OTOF: variants seen among roughly 807,000 people sequenced by gnomAD.
OTOF encodes the protein otoferlin, also known as fer-1-like family member 2.
A neutral mutation model predicts 236.8 loss-of-function variants in OTOF; 218 were observed. That is an observed-to-expected ratio of 0.92 (90% confidence interval 0.82 to 1.03). The LOEUF (loss-of-function observed/expected upper bound fraction) is 1.03, where lower values mean the gene tolerates loss of function less well. Among genes scored for constraint, OTOF ranks in the 50% least tolerant of loss-of-function variants. The pLI is 0.00. For missense variants in OTOF, 2,590 were observed against 2,694.4 expected, an observed-to-expected ratio of 0.96 and a Z score of 0.86; for synonymous variants, 1,041 against 1,072.5, an observed-to-expected ratio of 0.97 and a Z score of 0.57.
intron 41 of OTOF, among the ~76,000 whole-genome samples, 172 bp downstream of exon 41, chr2:26,463,311 G>A (rs978703617): frequency 2.6e-5 from 4 of 152,192 alleles, no homozygotes; most frequent in African/African-American, 9.7e-5. Flanking sequence ...AAACTCTATC[G>A]ATTGGTTGGT....
chr2:26,480,331 A>G lies in OTOF; in HGVS notation c.1804-20T>C, dbSNP rs559791845. The G allele has an allele frequency of 7.0e-7, 1 of 1,437,224 alleles. No homozygotes were observed. Among genetic ancestry groups the G allele is most frequent in the Non-Finnish European group, 9.8e-7 (1 of 1,024,082 alleles). 89.0% of individuals were successfully genotyped at this position (1,437,224 alleles called of 1,614,324 possible). A position where few individuals can be genotyped will look rare whatever the true frequency, so the allele number is the denominator to read the frequency against. Reference sequence around the variant, plus strand: ...ACAGCTCTGTGGGGAGGCAGTTCAAAGCGTTCCTGAGCTTGAGTAAGGGTG... The same window carrying G: ...ACAGCTCTGTGGGGAGGCAGTTCAAGGCGTTCCTGAGCTTGAGTAAGGGTG... On this transcript the variant is annotated intron_variant, in intron 15 of 46. Transcript: ENST00000272371.
intron 5 of OTOF, among the ~76,000 whole-genome samples, chr2:26,510,370 C>T (rs58826374): frequency 0.23 from 35,055 of 151,810 alleles, 4,288 homozygotes; most frequent in African/African-American, 0.3. Flanking sequence ...TTTAGCTGTC[C>T]CCTCCCTCCC....
In OTOF at chr2:26,474,166, T is replaced by G. The variant is rs185681138; in HGVS notation, c.3289-56A>C. ...GGGGAGCCCAGGGACAGGGTCTCTT[T>G]CCCCATGAGTTGTTTGCCATGATCT... On this transcript the variant is annotated intron_variant, in intron 26 of 46. Transcript: ENST00000272371. The G allele has an allele frequency of 5.8e-5, 93 of 1,609,174 alleles. No homozygotes were observed. The East Asian group carries it at 2.1e-3, about 36-fold the overall frequency.
chr2:26,501,301 A>C (rs1455547028), intron 8 of OTOF, among the ~76,000 whole-genome samples: 1 of 152,226 alleles, frequency 6.6e-6, no homozygotes, highest in Non-Finnish European at 1.5e-5. Context: ...GAAAAAAATC[A>C]CTCACAGTCT....
At position 26,527,926 on chromosome 2, in the gene OTOF, G is replaced by A; in HGVS notation, c.139-6C>T. ...GCCACCGGCCACCGAAATGTCTGGG[G>A]AGAGAGGGACAACTGCGGCTTCGGT... On this transcript the variant is annotated splice_region_variant and splice_polypyrimidine_tract_variant and intron_variant, in intron 2 of 46. Transcript: ENST00000272371. 6.2e-7 allele frequency: 1 copy of A among 1,611,940 alleles called. No individual in the cohort carries two copies. The highest frequency in any genetic ancestry group is 1.1e-5 in the South Asian group (1 of 91,032).
In OTOF at chr2:26,460,330, G is replaced by T; in HGVS notation, c.5814-125C>A. 1 of 805,546 alleles carries T rather than the reference G, an allele frequency of 1.2e-6. No individual in the cohort carries two copies. The highest frequency in any genetic ancestry group is 2.1e-6 in the Non-Finnish European group (1 of 487,574). The allele number at this position is 805,546 out of a possible 1,614,324, so 49.9% of individuals were successfully genotyped here. On this transcript the variant is annotated intron_variant, in intron 45 of 46. Coordinates refer to ENST00000272371, the MANE Select transcript of OTOF (RefSeq NM_194248.3). This position sits in a 1 kb window ranked among gnomAD's most constrained non-coding sequence, Gnocchi z 5.3. Reference sequence around the variant, plus strand: ...TGTGTGCAGTTCTAGGCACCCCTCTGGCCATCAAGGCTGGCCATGGCCCCA... The same window carrying T: ...TGTGTGCAGTTCTAGGCACCCCTCTTGCCATCAAGGCTGGCCATGGCCCCA...
intron 5 of OTOF, among the ~76,000 whole-genome samples, chr2:26,513,777 G>T (rs1666450489): frequency 6.6e-6 from 1 of 152,246 alleles, no homozygotes; most frequent in Non-Finnish European, 1.5e-5. Context: ...CAGAGGTGAG[G>T]CACTGACACC....
intron 5 of OTOF, among the ~76,000 whole-genome samples, chr2:26,504,725 C>T (rs752706132): frequency 2.6e-5 from 4 of 152,118 alleles, no homozygotes; most frequent in Admixed American, 6.5e-5. Flanking sequence ...TGGTTCCTGG[C>T]ACCAGGAAGC....
intron 2 of OTOF, among the ~76,000 whole-genome samples, chr2:26,531,194 A>T (rs1279282534): frequency 6.6e-6 from 1 of 152,030 alleles, no homozygotes; most frequent in East Asian, 1.9e-4. Flanking sequence ...AGCTCTGGGC[A>T]CCTCACAGAG....
At chr2:26,511,305 A>T (rs1666383747) in intron 5 of OTOF, among the ~76,000 whole-genome samples, 1 of 151,512 alleles carries the variant, frequency 6.6e-6, no homozygotes, top group Non-Finnish European at 1.5e-5. Flanking sequence ...GGTTGGGGGC[A>T]GTTCTAGGGG....
intron 1 of OTOF, among the ~76,000 whole-genome samples, chr2:26,548,789 T>C (rs1667394520): frequency 6.6e-6 from 1 of 152,276 alleles, no homozygotes; most frequent in African/African-American, 2.4e-5. Flanking sequence ...TAGTTGGCTA[T>C]ACCATCTAGC....
At chr2:26,463,855 T>C in intron 40 of OTOF, 109 bp downstream of exon 40, 1 of 1,460,564 alleles carries the variant, frequency 6.8e-7, no homozygotes, top group Non-Finnish European at 9.6e-7. Context: ...CCAGGCTTTC[T>C]GGAATGCAGC....
intron 3 of OTOF, among the ~76,000 whole-genome samples, chr2:26,521,280 C>T (rs532804599): frequency 2.0e-4 from 31 of 152,288 alleles, no homozygotes; most frequent in African/African-American, 6.7e-4. Context: ...ACCTGTTGAG[C>T]GTGGGGCGAT....
chr2:26,479,163 G>A, intron 18 of OTOF, 101 bp downstream of exon 18: 1 of 1,471,230 alleles, frequency 6.8e-7, no homozygotes, highest in Non-Finnish European at 9.3e-7. Context: ...CGTTCCTGCA[G>A]CCCCCTGGGC....
Position 26,464,976 on chromosome 2 carries a change from C to A in OTOF, c.4853G>T (p.Arg1618Leu). 6.5e-7 allele frequency: 1 copy of A among 1,540,188 alleles called. No individual in the cohort carries two copies. The highest frequency in any genetic ancestry group is 1.3e-5 in the South Asian group (1 of 78,660). The part of the protein sequence containing the change: ...DPMKPSQILT[R>L]LCKDGKVDGP... The stretch of plus-strand genomic sequence containing the variant: ...GTCCACTTTGCCGTCTTTGCAGAGG[C>A]GGGTCAGGATCTGGCTGGGCTTCAT... The change falls in exon 39 of 47, where the codon CGC becomes CTC. Residue 1618 changes from arginine (R) to leucine (L), a missense_variant. Transcript: ENST00000272371.
chr2:26,488,135 G>A (rs1665745459), intron 11 of OTOF, among the ~76,000 whole-genome samples: 1 of 152,216 alleles, frequency 6.6e-6, no homozygotes, highest in African/African-American at 2.4e-5. Context: ...GCACCAGCTG[G>A]ACGTCTCTTA....
rs369843419 is a variant in OTOF, at chr2:26,460,677, C to A, written c.5783G>T (p.Arg1928Leu). Residue 1928 changes from arginine to leucine, a missense_variant, in exon 45 of 47, where the codon CGC (arginine) becomes CTC (leucine). Around this residue, in one of 2 missense-constraint regions of OTOF, gnomAD observed 1,211 missense variants for 1,352.8 expected, o/e 0.90. Transcript: ENST00000272371. This position sits in a 1 kb window ranked among gnomAD's most constrained non-coding sequence, Gnocchi z 5.3. Reference sequence around the variant, plus strand: ...TTTCTCTAGGGGGTCAGGTTCATTGCGGGCCAGGCCCACTGGGTTCTTCTC... The same window carrying A: ...TTTCTCTAGGGGGTCAGGTTCATTGAGGGCCAGGCCCACTGGGTTCTTCTC... The part of the protein sequence containing the change: ...EAEKNPVGLA[R>L]NEPDPLEKPN... The A allele has an allele frequency of 6.2e-7, 1 of 1,613,904 alleles. No individual in the cohort carries two copies. Among genetic ancestry groups the A allele is most frequent in the African/African-American group, 1.3e-5 (1 of 74,930 alleles).
chr2:26,538,958 C>T (rs946614195), intron 1 of OTOF, among the ~76,000 whole-genome samples: 13 of 151,860 alleles, frequency 8.6e-5, no homozygotes, highest in East Asian at 3.9e-4. Context: ...GGATTACAGG[C>T]GCCGCCACCA....
chr2:26,474,433 C>G (rs1309825470), intron 26 of OTOF, 80 bp downstream of exon 26: 29 of 779,912 alleles, frequency 3.7e-5, no homozygotes, highest in Non-Finnish European at 5.6e-5. Flanking sequence ...CCCCAGCCTT[C>G]AGGGTCCAGC....
Sources: gnomAD v4.1 joint callset for allele counts (sites outside exome capture counted in the v4.1 genomes callset) on GRCh38, gnomAD v4.1.1 for gene constraint, gnomAD v4.1.1 regional missense constraint, Gnocchi (gnomAD v3.1) non-coding constraint, MANE v1.5 for transcripts, NCBI Gene and HGNC (gene_info 2026-07-23, HGNC 2026-07-21) for gene names.